PPP4R2: variants seen among roughly 807,000 people sequenced by gnomAD.
The protein encoded by PPP4R2 is protein phosphatase 4 regulatory subunit 2.
Under a neutral mutation model 47.2 loss-of-function variants are expected in PPP4R2, and 13 were observed. That is an observed-to-expected ratio of 0.28 (90% CI 0.18 to 0.44). PPP4R2 has a LOEUF of 0.44. Among genes scored for constraint, PPP4R2 ranks in the 20% least tolerant of loss-of-function variants. The pLI is 1.00. For missense variants in PPP4R2, 421 were observed against 491.2 expected, an observed-to-expected ratio of 0.86 and a Z score of 1.35; for synonymous variants, 151 against 163.3, an observed-to-expected ratio of 0.92 and a Z score of 0.57.
chr3:72,999,015 A>T lies in PPP4R2; in HGVS notation c.116+857A>T, dbSNP rs547937517. 1.4e-4 allele frequency among the ~76,000 whole-genome samples: 22 copies of T among 152,276 alleles called. No homozygotes were observed. In the South Asian group the frequency reaches 4.6e-3, roughly 32 times the overall value. On this transcript the variant is annotated intron_variant, in intron 2 of 8. Transcript: ENST00000356692. The stretch of plus-strand genomic sequence containing the variant: ...ATTGTATAATTTCTCTGGCTTTATT[A>T]TTAGCAAGTGTTCATTTCTCACAAG...
chr3:73,000,685 C>A (rs1701440342), intron 2 of PPP4R2, among the ~76,000 whole-genome samples: 1 of 152,268 alleles, frequency 6.6e-6, no homozygotes, highest in South Asian at 2.1e-4. Context: ...AAGAGGGAAA[C>A]TATATATGTA....
intron 2 of PPP4R2, among the ~76,000 whole-genome samples, chr3:73,025,818 A>C (rs1019286478): frequency 2.0e-5 from 3 of 152,190 alleles, no homozygotes; most frequent in Non-Finnish European, 4.4e-5. Context: ...GCCTTGGAGA[A>C]ATTGAGTCTA....
chr3:73,006,993 C>T (rs546366824), intron 2 of PPP4R2, among the ~76,000 whole-genome samples: 1 of 152,180 alleles, frequency 6.6e-6, no homozygotes, highest in African/African-American at 2.4e-5. Flanking sequence ...AAATATGGTC[C>T]ACTGGTTTTT....
chr3:73,031,491 G>A (rs907916882), intron 2 of PPP4R2, among the ~76,000 whole-genome samples: 1 of 152,096 alleles, frequency 6.6e-6, no homozygotes, highest in Admixed American at 6.6e-5. Context: ...GTAGTGAGCC[G>A]AGATTGTGTC....
intron 2 of PPP4R2, among the ~76,000 whole-genome samples, chr3:73,026,226 T>G (rs746232192): frequency 4.6e-5 from 7 of 152,194 alleles, no homozygotes; most frequent in Non-Finnish European, 1.0e-4. Flanking sequence ...TGTTTTTCTT[T>G]TCTCCTAAAT....
intron 2 of PPP4R2, among the ~76,000 whole-genome samples, chr3:73,039,046 A>C (rs1281266958): frequency 6.6e-6 from 1 of 152,242 alleles, no homozygotes; most frequent in African/African-American, 2.4e-5. Context: ...TATGAGCAAG[A>C]AAATATGTAA....
chr3:72,998,655 C>T (rs1005091842), intron 2 of PPP4R2, among the ~76,000 whole-genome samples: 6 of 152,158 alleles, frequency 3.9e-5, no homozygotes, highest in Non-Finnish European at 7.4e-5. Flanking sequence ...TGACAAATTC[C>T]AGATGCTACA....
intron 3 of PPP4R2, among the ~76,000 whole-genome samples, chr3:73,049,853 C>T (rs1159988605): frequency 6.6e-6 from 1 of 151,834 alleles, no homozygotes; most frequent in African/African-American, 2.4e-5. Context: ...TCACCTACTT[C>T]AGAAAATGAT....
chr3:73,010,410 G>C (rs1701698836), intron 2 of PPP4R2, among the ~76,000 whole-genome samples: 1 of 152,142 alleles, frequency 6.6e-6, no homozygotes, highest in Non-Finnish European at 1.5e-5. Flanking sequence ...AAGCTTTATT[G>C]AGAGGCTCTG....
At chr3:73,038,667 C>T (rs573882355) in intron 2 of PPP4R2, among the ~76,000 whole-genome samples, 1 of 152,176 alleles carries the variant, frequency 6.6e-6, no homozygotes, top group African/African-American at 2.4e-5. Flanking sequence ...TATAAGGGCT[C>T]AAAGGCTAAA....
chr3:73,062,363 A>T (rs768254818), intron 5 of PPP4R2: 4 of 1,606,620 alleles, frequency 2.5e-6, no homozygotes, highest in African/African-American at 1.3e-5. Context: ...TGGAACCCCA[A>T]CCCAGCATTG....
intron 3 of PPP4R2, among the ~76,000 whole-genome samples, chr3:73,053,232 A>G (rs1205088423): frequency 6.6e-6 from 1 of 152,164 alleles, no homozygotes; most frequent in Non-Finnish European, 1.5e-5. Flanking sequence ...TCTCTCTCAC[A>G]TACACAAACC....
chr3:73,032,834 A>AT (rs1021724582), intron 2 of PPP4R2, among the ~76,000 whole-genome samples: 34 of 151,970 alleles, frequency 2.2e-4, no homozygotes, highest in Non-Finnish European at 4.0e-4. Flanking sequence ...TGTTAATGCT[A>AT]TTTTTTTCAT....
intron 3 of PPP4R2, among the ~76,000 whole-genome samples, chr3:73,057,799 A>C (rs747027775): frequency 6.6e-6 from 1 of 152,072 alleles, no homozygotes; most frequent in Non-Finnish European, 1.5e-5. Context: ...TGAGATTTGA[A>C]GTTAGAGAGA....
chr3:73,021,880 G>GTA (rs1553646882), intron 2 of PPP4R2, among the ~76,000 whole-genome samples: 7,094 of 135,284 alleles, frequency 0.052, 272 homozygotes, highest in African/African-American at 0.098. Flanking sequence ...GTGTGTGTGT[G>GTA]TATATATGCA....
intron 2 of PPP4R2, among the ~76,000 whole-genome samples, chr3:73,031,128 A>G (rs1702157790): frequency 6.6e-6 from 1 of 152,224 alleles, no homozygotes; most frequent in South Asian, 2.1e-4. Flanking sequence ...TTTTTGGAGT[A>G]AGTATAACAT....
intron 2 of PPP4R2, among the ~76,000 whole-genome samples, chr3:73,008,867 G>A (rs1192899255): frequency 2.6e-5 from 4 of 152,180 alleles, no homozygotes; most frequent in African/African-American, 9.6e-5. Context: ...ACAGATTTAG[G>A]TTTGAATTCT....
At chr3:73,030,421 G>T (rs1702146594) in intron 2 of PPP4R2, among the ~76,000 whole-genome samples, 1 of 152,132 alleles carries the variant, frequency 6.6e-6, no homozygotes, top group Admixed American at 6.5e-5. Flanking sequence ...GTGTGAGGGA[G>T]GGAAAACTCA....
chr3:73,064,863 C>T lies in PPP4R2; in HGVS notation c.650C>T (p.Thr217Ile). ...AAAAACATTTACAGTGACTCTTCGA[C>T]CTCTGAATCAGAAGTTTCCTCAGTG... ...NEEKNHSDSS[T>I]SESEVSSVSP... The change falls in exon 8 of 9, where the codon ACC (threonine) becomes ATC (isoleucine). Residue 217 changes from threonine to isoleucine, a missense_variant. By Grantham distance (89) the Thr-to-Ile change is moderately conservative (BLOSUM62 -1). Coordinates refer to ENST00000356692, the MANE Select transcript of PPP4R2 (RefSeq NM_174907.4). The T allele has an allele frequency of 6.2e-7, 1 of 1,604,316 alleles. No homozygotes were observed. The highest frequency in any genetic ancestry group is 8.5e-7 in the Non-Finnish European group (1 of 1,176,510).
Sources: gnomAD v4.1 joint callset for allele counts (sites outside exome capture counted in the v4.1 genomes callset) on GRCh38, gnomAD v4.1.1 for gene constraint, MANE v1.5 for transcripts, NCBI Gene and HGNC (gene_info 2026-07-23, HGNC 2026-07-21) for gene names.